The following KCTD8 variants were observed in gnomAD, a reference collection of about 807,000 sequenced individuals.
KCTD8 encodes BTB/POZ domain-containing protein KCTD8.
Under a neutral mutation model 31.5 loss-of-function variants are expected in KCTD8, and 27 were observed. The observed-to-expected ratio is 0.86, with a 90% CI of 0.63 to 1.18. KCTD8 has a LOEUF of 1.18. Ranked by LOEUF, KCTD8 falls within the 50% of genes most tolerant of loss-of-function variation. The pLI is 0.00. For missense variants in KCTD8, 658 were observed against 647.7 expected, an observed-to-expected ratio of 1.02 and a Z score of -0.17; for synonymous variants, 290 against 280.0, an observed-to-expected ratio of 1.04 and a Z score of -0.36.
intron 1 of KCTD8, among the ~76,000 whole-genome samples, chr4:44,404,263 T>TTTG (rs1447277957): frequency 6.6e-6 from 1 of 152,226 alleles, no homozygotes; most frequent in African/African-American, 2.4e-5. Context: ...AAAAGGGTGT[T>TTTG]TTGTTGTTGT....
intron 1 of KCTD8, among the ~76,000 whole-genome samples, chr4:44,349,582 C>A (rs570193243): frequency 1.3e-5 from 2 of 152,166 alleles, no homozygotes; most frequent in African/African-American, 4.8e-5. Flanking sequence ...ACTAACTGTA[C>A]AACTTACAGC....
At chr4:44,320,548 C>T (rs1057379008) in intron 1 of KCTD8, among the ~76,000 whole-genome samples, 4 of 152,148 alleles carry the variant, frequency 2.6e-5, no homozygotes, top group Admixed American at 6.5e-5. Context: ...AAGCATCATA[C>T]ATTTTGGTGG....
chr4:44,305,466 T>C (rs1026744804), intron 1 of KCTD8, among the ~76,000 whole-genome samples: 4 of 151,604 alleles, frequency 2.6e-5, no homozygotes, highest in African/African-American at 9.7e-5. Flanking sequence ...AAAGCAAAGA[T>C]AAAGAGAATC....
rs540609155 is a variant in KCTD8 at position 44,199,521 on chromosome 4, A to C, written c.962-24271T>G. Among the ~76,000 whole-genome samples, 5 of 152,216 alleles carry C rather than the reference A, an allele frequency of 3.3e-5. No individual in the cohort carries two copies. The East Asian group carries it at 7.7e-4, about 23-fold the overall frequency. Reference sequence around the variant, plus strand: ...TAAGACCTCTCAAAACTACACTAATATGTGGAAATTAATCAACTTGCTCCA... The same window carrying C: ...TAAGACCTCTCAAAACTACACTAATCTGTGGAAATTAATCAACTTGCTCCA... On this transcript the variant is annotated intron_variant, in intron 1 of 1. Coordinates refer to ENST00000360029, the MANE Select transcript of KCTD8 (RefSeq NM_198353.3).
chr4:44,344,031 G>A (rs1316308725), intron 1 of KCTD8, among the ~76,000 whole-genome samples: 2 of 151,852 alleles, frequency 1.3e-5, no homozygotes, highest in African/African-American at 4.8e-5. Flanking sequence ...GCTAATTTTT[G>A]TATTTTTAGC....
chr4:44,271,185 C>A (rs1479393068), intron 1 of KCTD8, among the ~76,000 whole-genome samples: 1 of 152,056 alleles, frequency 6.6e-6, no homozygotes, highest in Non-Finnish European at 1.5e-5. Context: ...TAATATATTA[C>A]AGTGTTATTT....
chr4:44,174,848 T>C lies in KCTD8; in HGVS notation c.1364A>G (p.Tyr455Cys). The stretch of plus-strand genomic sequence containing the variant: ...CCATTGGCGTTTGCGCTCTGGAAAA[T>C]AATCTGGAATGTGGATTTTTTTAAA... ...QDFKKIHIPD[Y>C]FPERKRQWQS... Residue 455 changes from tyrosine to cysteine, a missense_variant, in exon 2 of 2, where the codon TAT (tyrosine) becomes TGT (cysteine). Physicochemically the swap from Tyr to Cys is radical, Grantham distance 194. Coordinates refer to ENST00000360029, the MANE Select transcript of KCTD8 (RefSeq NM_198353.3). 6.2e-7 allele frequency: 1 copy of C among 1,613,772 alleles called. No homozygotes were observed. Among genetic ancestry groups the C allele is most frequent in the Non-Finnish European group, 8.5e-7 (1 of 1,179,884 alleles).
chr4:44,266,238 T>A (rs1716354795), intron 1 of KCTD8, among the ~76,000 whole-genome samples: 1 of 152,016 alleles, frequency 6.6e-6, no homozygotes, highest in East Asian at 1.9e-4. Flanking sequence ...GGGCCAATAT[T>A]CAACATTCTT....
intron 1 of KCTD8, among the ~76,000 whole-genome samples, chr4:44,345,823 G>A (rs917987294): frequency 1.2e-4 from 18 of 151,862 alleles, no homozygotes; most frequent in African/African-American, 4.4e-4. Context: ...CCTAGAACTG[G>A]GGAGAATACA....
intron 1 of KCTD8, among the ~76,000 whole-genome samples, chr4:44,351,670 C>A (rs991031285): frequency 1.3e-5 from 2 of 151,984 alleles, no homozygotes; most frequent in African/African-American, 4.8e-5. Context: ...TAGAAAATAT[C>A]TTTAATGTAA....
At chr4:44,268,644 C>T (rs1577584680) in intron 1 of KCTD8, among the ~76,000 whole-genome samples, 1 of 152,108 alleles carries the variant, frequency 6.6e-6, no homozygotes. Context: ...TCTAGAAAAC[C>T]CCATTGTCTC....
At chr4:44,327,659 A>G (rs554258771) in intron 1 of KCTD8, among the ~76,000 whole-genome samples, 13 of 151,802 alleles carry the variant, frequency 8.6e-5, no homozygotes, top group East Asian at 1.9e-4. Flanking sequence ...AATTAAAAAT[A>G]TAAAGACTCT....
At chr4:44,230,974 C>A (rs571347378) in intron 1 of KCTD8, among the ~76,000 whole-genome samples, 16 of 152,122 alleles carry the variant, frequency 1.1e-4, no homozygotes, top group Non-Finnish European at 2.1e-4. Flanking sequence ...AGCAAATACC[C>A]TGAAAAAATC....
chr4:44,340,279 T>G (rs1039190322), intron 1 of KCTD8, among the ~76,000 whole-genome samples: 42 of 151,612 alleles, frequency 2.8e-4, no homozygotes, highest in African/African-American at 9.7e-4. Context: ...TACATAAAAG[T>G]TGGAGGCAAC....
chr4:44,336,145 G>T (rs1302906478), intron 1 of KCTD8, among the ~76,000 whole-genome samples: 1 of 67,278 alleles, frequency 1.5e-5, no homozygotes, highest in Non-Finnish European at 2.4e-5. Context: ...GCGAGACTCC[G>T]TCTCAAAAAA....
At chr4:44,210,255 T>A (rs368543626) in intron 1 of KCTD8, among the ~76,000 whole-genome samples, 2 of 152,344 alleles carry the variant, frequency 1.3e-5, no homozygotes, top group East Asian at 3.9e-4. Flanking sequence ...GGAAGTCAGA[T>A]TATTACAGTA....
At chr4:44,292,720 A>G (rs1458432939) in intron 1 of KCTD8, among the ~76,000 whole-genome samples, 1 of 152,144 alleles carries the variant, frequency 6.6e-6, no homozygotes, top group African/African-American at 2.4e-5. Flanking sequence ...GTTGAGGGAA[A>G]AAAGTCTAGG....
chr4:44,212,298 A>G (rs1714512240), intron 1 of KCTD8, among the ~76,000 whole-genome samples: 1 of 152,210 alleles, frequency 6.6e-6, no homozygotes, highest in South Asian at 2.1e-4. Context: ...TCAAGACTTT[A>G]CCATTGGAAG....
At chr4:44,399,659 T>A (rs752004619) in intron 1 of KCTD8, among the ~76,000 whole-genome samples, 19 of 152,106 alleles carry the variant, frequency 1.2e-4, no homozygotes, top group Non-Finnish European at 1.8e-4. Context: ...GCATGGGAAC[T>A]TGAGAAAGTA....
Sources: gnomAD v4.1 joint callset for allele counts (sites outside exome capture counted in the v4.1 genomes callset) on GRCh38, gnomAD v4.1.1 for gene constraint, MANE v1.5 for transcripts, NCBI Gene and HGNC (gene_info 2026-07-23, HGNC 2026-07-21) for gene names.